The following DNAAF1 variants were observed in gnomAD, a reference collection of about 807,000 sequenced individuals.
DNAAF1 encodes dynein axonemal assembly factor 1.
Under a neutral mutation model 71.1 loss-of-function variants are expected in DNAAF1, and 65 were observed. That is an observed-to-expected ratio of 0.91 (90% confidence interval 0.75 to 1.12). The LOEUF is 1.12. DNAAF1 is among the 50% of genes most tolerant of loss of function. The pLI is 0.00. For missense variants in DNAAF1, 1,178 were observed against 899.8 expected, an observed-to-expected ratio of 1.31 and a Z score of -3.96; for synonymous variants, 414 against 354.6, an observed-to-expected ratio of 1.17 and a Z score of -1.88.
chr16:84,145,366 C>T lies in DNAAF1; in HGVS notation c.-75C>T, dbSNP rs1389700447. The T allele has an allele frequency of 1.9e-6, 3 of 1,545,948 alleles. No individual in the cohort carries two copies. Among genetic ancestry groups the T allele is most frequent in the East Asian group, 2.4e-5 (1 of 41,338 alleles). ...GGAAAGAGGGTACTCTCTGGCTGGG[C>T]TGGGGCCGTAGCGACGTCCGCCGCG... On this transcript the variant is annotated 5_prime_UTR_variant, in exon 1 of 12. Coordinates refer to ENST00000378553, the MANE Select transcript of DNAAF1 (RefSeq NM_178452.6).
intron 8 of DNAAF1, among the ~76,000 whole-genome samples, chr16:84,171,419 T>G (rs1030849008): frequency 1.5e-4 from 23 of 152,062 alleles, no homozygotes; most frequent in Admixed American, 1.3e-3. Context: ...ACCACTGCAC[T>G]CCAGCCGGGG....
intron 2 of DNAAF1, among the ~76,000 whole-genome samples, chr16:84,149,440 C>G (rs2087078458): frequency 6.6e-6 from 1 of 152,052 alleles, no homozygotes; most frequent in African/African-American, 2.4e-5. Context: ...GCCTGTAATC[C>G]CAGCACTTTG....
intron 11 of DNAAF1, 58 bp downstream of exon 11, chr16:84,176,357 G>A (rs2151282557): frequency 1.2e-6 from 2 of 1,609,638 alleles, no homozygotes; most frequent in African/African-American, 1.3e-5. Context: ...GGCCTGGGAT[G>A]GGTGGGGCAG....
rs937718457 is a variant in DNAAF1, at chr16:84,177,241, C to T, written c.2066-488C>T. On this transcript the variant is annotated intron_variant, in intron 11 of 11. Coordinates refer to ENST00000378553, the MANE Select transcript of DNAAF1 (RefSeq NM_178452.6). Reference sequence around the variant, plus strand: ...GTCTGAGCTGGAGCCCGTGCAGCCTCGGGCGGGGGCAGGCCTGGAGGACGT... The same window carrying T: ...GTCTGAGCTGGAGCCCGTGCAGCCTTGGGCGGGGGCAGGCCTGGAGGACGT... 3.0e-5 allele frequency: 7 copies of T among 231,140 alleles called. No individual in the cohort carries two copies. In the East Asian group the frequency reaches 4.3e-4, roughly 14 times the overall value. The allele number at this position is 231,140 out of a possible 1,614,324, so 14.3% of individuals were successfully genotyped here.
chr16:84,176,624 CCCCTCCTCACCAT>C (rs1416841036), intron 11 of DNAAF1: 13 of 424,894 alleles, frequency 3.1e-5, no homozygotes, highest in Admixed American at 7.0e-5. Flanking sequence ...GCATTTCCAC[CCCCTCCTCACCAT>C]CCCTGGCCTC....
chr16:84,166,001 A>G (rs1468068377), intron 7 of DNAAF1, 52 bp downstream of exon 7: 9 of 1,601,236 alleles, frequency 5.6e-6, no homozygotes, highest in African/African-American at 1.3e-5. Flanking sequence ...AGATTAGGCA[A>G]GTCTAAGCTC....
intron 1 of DNAAF1, among the ~76,000 whole-genome samples, chr16:84,148,686 C>G (rs900451129): frequency 2.1e-5 from 3 of 144,490 alleles, no homozygotes; most frequent in Non-Finnish European, 4.5e-5. Flanking sequence ...GCAGCCTTGA[C>G]TTCCCAAGCT....
intron 9 of DNAAF1, chr16:84,172,683 G>A: frequency 4.9e-6 from 6 of 1,232,862 alleles, no homozygotes; most frequent in Non-Finnish European, 6.2e-6. Context: ...TTTTGCCAAA[G>A]AAGCTATCTT....
Position 84,172,197 on chromosome 16 carries a change from G to A in DNAAF1, c.1529-63G>A, listed in dbSNP as rs534395964. On this transcript the variant is annotated intron_variant, in intron 8 of 11. Transcript: ENST00000378553. ...CGGCCCTTGGGAGCCCATCTTCACCGTAGGCTCGTCCATCTGCCTGCCGTG... is the reference window on the plus strand; with the variant it reads ...CGGCCCTTGGGAGCCCATCTTCACCATAGGCTCGTCCATCTGCCTGCCGTG... 3.8e-5 allele frequency: 58 copies of A among 1,508,616 alleles called. No homozygotes were observed. In the South Asian group the frequency reaches 4.3e-4, roughly 11 times the overall value. 93.5% of individuals were successfully genotyped at this position (1,508,616 alleles called of 1,614,324 possible).
Position 84,175,667 on chromosome 16 carries a change from C to T in DNAAF1, c.1699-266C>T, listed in dbSNP as rs140590407. 1.0e-3 allele frequency: 512 copies of T among 498,538 alleles called. 1 individual carries two copies. The highest frequency in any genetic ancestry group is 9.3e-3 in the African/African-American group (479 of 51,736). The allele number at this position is 498,538 out of a possible 1,614,324, so 30.9% of individuals were successfully genotyped here. A position where few individuals can be genotyped will look rare whatever the true frequency, so the allele number is the denominator to read the frequency against. On this transcript the variant is annotated intron_variant, in intron 10 of 11. Transcript: ENST00000378553. ...AAGCAGAGCCCAGGGCTCAGGGGTGCGCCCTCTCAGGTACCAGGAGGGTGA... is the reference window on the plus strand; with the variant it reads ...AAGCAGAGCCCAGGGCTCAGGGGTGTGCCCTCTCAGGTACCAGGAGGGTGA...
chr16:84,174,821 C>T (rs1174658024), intron 10 of DNAAF1, 99 bp downstream of exon 10: 26 of 1,477,662 alleles, frequency 1.8e-5, no homozygotes, highest in African/African-American at 2.8e-5. Flanking sequence ...TAAAATGTTC[C>T]CTGTGCATAA....
At chr16:84,158,133 A>G (rs1162719157) in intron 5 of DNAAF1, among the ~76,000 whole-genome samples, 1 of 152,080 alleles carries the variant, frequency 6.6e-6, no homozygotes, top group Non-Finnish European at 1.5e-5. Flanking sequence ...CGAACCTGGG[A>G]GGCAGAGCTT....
At chr16:84,172,173 G>T in intron 8 of DNAAF1, 87 bp from the exon 9 acceptor site, 1 of 1,298,820 alleles carries the variant, frequency 7.7e-7, no homozygotes. Context: ...CACCGAGCCC[G>T]GCCCTTGGGA....
Position 84,149,135 on chromosome 16 carries a change from G to T in DNAAF1, c.253G>T (p.Gly85Cys). ...CCCAAGAGAAGACAGGGAAGATCGG[G>T]GCCCCAGGTATGTGGGCATACTCCT... ...AHPREDREDRGPRMTKSSLQK... is the reference protein window; with the variant it reads ...AHPREDREDRCPRMTKSSLQK... The change falls in exon 2 of 12, where the codon GGC becomes TGC. Residue 85 changes from glycine (G) to cysteine (C), a missense_variant. Physicochemically the swap from Gly to Cys is radical, Grantham distance 159. Transcript: ENST00000378553. 1 of 1,613,998 alleles carries T rather than the reference G, an allele frequency of 6.2e-7. No individual in the cohort carries two copies. The highest frequency in any genetic ancestry group is 8.5e-7 in the Non-Finnish European group (1 of 1,180,004).
chr16:84,146,237 G>A (rs1228907401), intron 1 of DNAAF1, among the ~76,000 whole-genome samples: 1 of 152,130 alleles, frequency 6.6e-6, no homozygotes, highest in Non-Finnish European at 1.5e-5. Flanking sequence ...TCCCTTTATT[G>A]CTATCACTAT....
rs368561317 is a variant in DNAAF1 at position 84,146,817 on chromosome 16, C to T, written c.124+1253C>T. Among the ~76,000 whole-genome samples the T allele has an allele frequency of 9.8e-4, 149 of 152,086 alleles. 4 individuals are homozygous for T. In the South Asian group the frequency reaches 0.027, roughly 27 times the overall value. ...ACTAGACTTGGTGCCCTAAAGGAAACCTTTTAGTGATTACATTAAAAAACC... is the reference window on the plus strand; with the variant it reads ...ACTAGACTTGGTGCCCTAAAGGAAATCTTTTAGTGATTACATTAAAAAACC... On this transcript the variant is annotated intron_variant, in intron 1 of 11. Coordinates refer to ENST00000378553, the MANE Select transcript of DNAAF1 (RefSeq NM_178452.6).
At chr16:84,176,472 A>C (rs745437767) in intron 11 of DNAAF1, 173 bp downstream of exon 11, 3 of 1,049,794 alleles carry the variant, frequency 2.9e-6, no homozygotes, top group Non-Finnish European at 4.2e-6. Context: ...CACGGGTCTG[A>C]AGCTGCCACT....
intron 5 of DNAAF1, chr16:84,158,847 A>G: frequency 5.8e-6 from 1 of 172,122 alleles, no homozygotes; most frequent in African/African-American, 2.4e-5. Context: ...TTTCTGCCTC[A>G]GGCCCCATGA....
At chr16:84,162,832 A>T (rs183907077) in intron 6 of DNAAF1, among the ~76,000 whole-genome samples, 1 of 151,970 alleles carries the variant, frequency 6.6e-6, no homozygotes, top group Admixed American at 6.6e-5. Flanking sequence ...AACAAAAAAA[A>T]AAGAAATACC....
Sources: allele counts gnomAD v4.1 joint callset (sites outside exome capture counted in the v4.1 genomes callset), GRCh38; gene constraint gnomAD v4.1.1; transcripts MANE v1.5; gene names NCBI Gene and HGNC (gene_info 2026-07-23, HGNC 2026-07-21).